TREM1: variants seen among roughly 807,000 people sequenced by gnomAD.
TREM1 encodes the protein triggering receptor expressed on myeloid cells 1, also known as triggering receptor expressed on monocytes 1.
TREM1 carries 16 observed loss-of-function variants against 22.4 expected under a neutral mutation model. That is an observed-to-expected ratio of 0.71 (90% CI 0.48 to 1.08). TREM1 has a LOEUF of 1.08. Ranked by LOEUF, TREM1 falls within the 50% of genes least tolerant of loss-of-function variation. TREM1 has a pLI of 0.00. For missense variants in TREM1, 283 were observed against 282.9 expected, an observed-to-expected ratio of 1.00 and a Z score of 0.00; for synonymous variants, 110 against 111.6, an observed-to-expected ratio of 0.99 and a Z score of 0.09.
In TREM1 at chr6:41,286,638, G is replaced by T. The variant is rs769500933; in HGVS notation, c.18C>A (p.Leu6=). MRKTR[L]WGLLWMLFVS... ...CAAAGAGCATCCACAGCAGCCCCCA[G>T]AGCCTGGTCTTCCTCATCCTTCCTG... The change falls in exon 1 of 4, where the codon CTC becomes CTA. Residue 6 remains leucine, a synonymous_variant. Transcript: ENST00000244709. 6.2e-7 allele frequency: 1 copy of T among 1,613,986 alleles called. No individual in the cohort carries two copies. The highest frequency in any genetic ancestry group is 1.1e-5 in the South Asian group (1 of 91,054).
At chr6:41,272,104 A>G (rs1767495755), downstream of TREM1, among the ~76,000 whole-genome samples, 1 of 152,138 alleles carries the variant, frequency 6.6e-6, no homozygotes. Flanking sequence ...TGGCTACTTT[A>G]CAATTGACAA....
chr6:41,281,851 G>T (rs1767933519), intron 2 of TREM1: 1 of 160,502 alleles, frequency 6.2e-6, no homozygotes, highest in African/African-American at 2.4e-5. Flanking sequence ...CTCCTATCCA[G>T]TGAGTAGAGT....
intron 1 of TREM1, among the ~76,000 whole-genome samples, chr6:41,286,398 G>T (rs754454899): frequency 1.3e-5 from 2 of 152,152 alleles, no homozygotes; most frequent in African/African-American, 2.4e-5. Flanking sequence ...GACATGCACA[G>T]ACATCTTTTT....
In TREM1 at chr6:41,277,693, T is replaced by A. The variant is rs141181409; in HGVS notation, c.600-1463A>T. Among the ~76,000 whole-genome samples, 54 of 152,280 alleles carry A rather than the reference T, an allele frequency of 3.5e-4. No homozygotes were observed. In the East Asian group the frequency reaches 6.6e-3, roughly 19 times the overall value. ...GGCCAGGAATTCATGTGCTTGGCCT[T>A]GGTTAGAGCTGCCCTTGCTCAGTTA... On this transcript the variant is annotated intron_variant, in intron 3 of 3. Coordinates refer to ENST00000244709, the MANE Select transcript of TREM1 (RefSeq NM_018643.5).
chr6:41,280,691 G>C (rs1020760799), intron 3 of TREM1: 43 of 1,421,288 alleles, frequency 3.0e-5, no homozygotes, highest in Non-Finnish European at 3.7e-5. Context: ...CTGGAACTTG[G>C]GGAAGATGCC....
chr6:41,274,767 G>A lies in TREM1; in HGVS notation c.*1358C>T, dbSNP rs1185136629. Among the ~76,000 whole-genome samples, 1 of 152,120 alleles carries A rather than the reference G, an allele frequency of 6.6e-6. No individual in the cohort carries two copies. Among genetic ancestry groups the A allele is most frequent in the African/African-American group, 2.4e-5 (1 of 41,408 alleles). Reference sequence around the variant, plus strand: ...GGGAATGGGGAAGTCCTTATGCGATGGAGCAGTCTGGAAGCTGGACCTCCC... The same window carrying A: ...GGGAATGGGGAAGTCCTTATGCGATAGAGCAGTCTGGAAGCTGGACCTCCC... On this transcript the variant is annotated 3_prime_UTR_variant, in exon 4 of 4. Coordinates refer to ENST00000244709, the MANE Select transcript of TREM1 (RefSeq NM_018643.5).
intron 3 of TREM1, chr6:41,279,937 A>T: frequency 1.0e-6 from 1 of 975,394 alleles, no homozygotes. Flanking sequence ...TGTTTATCTC[A>T]GAGTTATCAA....
rs139762894 is a variant in TREM1 at position 41,274,820 on chromosome 6, G to A, written c.*1305C>T. On this transcript the variant is annotated 3_prime_UTR_variant, in exon 4 of 4. Transcript: ENST00000244709. ...TGCAGGGAACTTTTTCCACAGAAGT[G>A]GTGCTCATTGTAAAAATACATTTAC... 4.1e-4 allele frequency among the ~76,000 whole-genome samples: 63 copies of A among 152,178 alleles called. 1 individual carries two copies. The highest frequency in any genetic ancestry group is 1.9e-3 in the South Asian group (9 of 4,812).
chr6:41,276,116 T>C lies in TREM1; in HGVS notation c.*9A>G. 1 of 1,611,408 alleles carries C rather than the reference T, an allele frequency of 6.2e-7. No homozygotes were observed. The stretch of plus-strand genomic sequence containing the variant: ...GGAAGTCAGAGGACATTCTCGTGGG[T>C]TCGTGGGCCTAGGGTACAAATGACC... On this transcript the variant is annotated 3_prime_UTR_variant, in exon 4 of 4. Coordinates refer to ENST00000244709, the MANE Select transcript of TREM1 (RefSeq NM_018643.5).
At chr6:41,278,185 C>T (rs1038061839) in intron 3 of TREM1, among the ~76,000 whole-genome samples, 4 of 151,834 alleles carry the variant, frequency 2.6e-5, no homozygotes, top group Non-Finnish European at 5.9e-5. Context: ...CTCAGCCTGC[C>T]AAAGTGCTGG....
chr6:41,281,833 AC>A (rs1463888370), intron 2 of TREM1: 4 of 158,640 alleles, frequency 2.5e-5, no homozygotes, highest in East Asian at 3.7e-4. Context: ...AGATAAGTAA[AC>A]CCCCCTCTCC....
chr6:41,275,904 G>A lies in TREM1; in HGVS notation c.*221C>T. The A allele has an allele frequency of 1.7e-6, 1 of 571,774 alleles. No homozygotes were observed. The highest frequency in any genetic ancestry group is 4.7e-4 in the Middle Eastern group (1 of 2,138). 35.4% of individuals were successfully genotyped at this position (571,774 alleles called of 1,614,324 possible). A position where few individuals can be genotyped will look rare whatever the true frequency, so the allele number is the denominator to read the frequency against. On this transcript the variant is annotated 3_prime_UTR_variant, in exon 4 of 4. Coordinates refer to ENST00000244709, the MANE Select transcript of TREM1 (RefSeq NM_018643.5). ...GGAATGAAGGACCAAGCATGTTTGG[G>A]GCTGTAACTTCTTTTCTGAGGCACA...
At position 41,286,600 on chromosome 6, in the gene TREM1, G is replaced by T. The variant is rs748386609; in HGVS notation, c.49+7C>A. The T allele has an allele frequency of 6.2e-6, 10 of 1,613,706 alleles. No homozygotes were observed. The highest frequency in any genetic ancestry group is 8.5e-6 in the Non-Finnish European group (10 of 1,179,888). ...CCTCCCCTGCTCAGTCCTCTTCCTT[G>T]TCTTACCTGAGACAAAGAGCATCCA... On this transcript the variant is annotated splice_region_variant and intron_variant, in intron 1 of 3. Coordinates refer to ENST00000244709, the MANE Select transcript of TREM1 (RefSeq NM_018643.5).
chr6:41,274,928 A>G lies in TREM1; in HGVS notation c.*1197T>C, dbSNP rs966490768. Among the ~76,000 whole-genome samples the G allele has an allele frequency of 6.6e-6, 1 of 152,058 alleles. No homozygotes were observed. Among genetic ancestry groups the G allele is most frequent in the Non-Finnish European group, 1.5e-5 (1 of 68,008 alleles). ...TAATATCTGCCCTGGGCATCACTAA[A>G]TTGGGCTGGAAGGACCCACCATCCT... On this transcript the variant is annotated 3_prime_UTR_variant, in exon 4 of 4. Transcript: ENST00000244709.
downstream of TREM1, among the ~76,000 whole-genome samples, chr6:41,269,645 T>C (rs554032632): frequency 2.6e-5 from 4 of 152,296 alleles, no homozygotes; most frequent in East Asian, 7.7e-4. Context: ...CCAACATCCT[T>C]GTCTTACAGG....
chr6:41,273,106 G>A (rs528763452), downstream of TREM1, among the ~76,000 whole-genome samples: 1 of 152,326 alleles, frequency 6.6e-6, no homozygotes, highest in South Asian at 2.1e-4. Context: ...ATCTGCGGAT[G>A]AGGCTCAAAT....
chr6:41,270,462 T>TA (rs1328425091), downstream of TREM1, among the ~76,000 whole-genome samples: 79 of 3,958 alleles, frequency 0.02, 3 homozygotes, highest in South Asian at 0.24. Flanking sequence ...TATATATATA[T>TA]ATATATATAT....
rs1767887672 is a variant in TREM1 at position 41,280,986 on chromosome 6, G to A, written c.574C>T (p.Leu192Phe). 1 of 1,614,126 alleles carries A rather than the reference G, an allele frequency of 6.2e-7. No individual in the cohort carries two copies. The highest frequency in any genetic ancestry group is 1.7e-5 in the Admixed American group (1 of 60,016). ...DVSTPDSEINLTNVTDIIRVP... is the reference protein window; with the variant it reads ...DVSTPDSEINFTNVTDIIRVP... Reference sequence around the variant, plus strand: ...CTGATGATATCTGTCACATTTGTAAGGTTGATTTCAGAGTCAGGAGTGGAG... The same window carrying A: ...CTGATGATATCTGTCACATTTGTAAAGTTGATTTCAGAGTCAGGAGTGGAG... Residue 192 changes from leucine to phenylalanine, a missense_variant, in exon 3 of 4, where the codon CTT becomes TTT. Coordinates refer to ENST00000244709, the MANE Select transcript of TREM1 (RefSeq NM_018643.5).
downstream of TREM1, among the ~76,000 whole-genome samples, chr6:41,271,925 T>TGCAGCAGCAGGAGCAGCA (rs1554145793): frequency 1.3e-5 from 2 of 152,128 alleles, no homozygotes; most frequent in African/African-American, 4.8e-5. Context: ...TCTCCTTACC[T>TGCAGCAGCAGGAGCAGCA]GCAGCAGCAG....
Sources: gnomAD v4.1 joint callset for allele counts (sites outside exome capture counted in the v4.1 genomes callset) on GRCh38, gnomAD v4.1.1 for gene constraint, MANE v1.5 for transcripts, NCBI Gene and HGNC (gene_info 2026-07-23, HGNC 2026-07-21) for gene names.